FNIP2: variants seen among roughly 807,000 people sequenced by gnomAD.
FNIP2 encodes the protein folliculin interacting protein 2, also known as folliculin-interacting protein 2.
A neutral mutation model predicts 108.7 loss-of-function variants in FNIP2; 32 were observed. The observed-to-expected ratio is 0.29, with a 90% confidence interval of 0.22 to 0.40. The LOEUF is 0.40. Among genes scored for constraint, FNIP2 ranks in the 10% least tolerant of loss-of-function variants. The pLI is 1.00. For synonymous variants in FNIP2, 480 were observed against 496.7 expected (o/e 0.97, Z 0.45); for missense variants, 1,202 against 1,381.6 (o/e 0.87, Z 2.06).
rs1007340095 is a variant in FNIP2 at position 158,829,475 on chromosome 4, A to G, written c.381+250A>G. On this transcript the variant is annotated intron_variant, in intron 3 of 16. Transcript: ENST00000264433. The stretch of plus-strand genomic sequence containing the variant: ...GGATGAGGAAGAAATATTGCCAGTC[A>G]GGTAAATTACCTTGCTTTGTTTCCT... Among the ~76,000 whole-genome samples, 3 of 152,222 alleles carry G rather than the reference A, an allele frequency of 2.0e-5. 1 individual carries two copies. In the South Asian group the frequency reaches 6.2e-4, roughly 31 times the overall value.
intron 1 of FNIP2, among the ~76,000 whole-genome samples, chr4:158,804,831 GTTC>G (rs1375415552): frequency 6.6e-6 from 1 of 152,132 alleles, no homozygotes; most frequent in African/African-American, 2.4e-5. Flanking sequence ...CTCAAAATGT[GTTC>G]TTCTTGGAGA....
chr4:158,793,712 G>T (rs1167943722), intron 1 of FNIP2, among the ~76,000 whole-genome samples: 1 of 152,088 alleles, frequency 6.6e-6, no homozygotes, highest in East Asian at 1.9e-4. Flanking sequence ...TTTGCATGGG[G>T]GTTGTGGAGC....
intron 14 of FNIP2, among the ~76,000 whole-genome samples, chr4:158,882,915 A>G (rs1394495369): frequency 1.3e-5 from 2 of 152,150 alleles, no homozygotes; most frequent in African/African-American, 2.4e-5. Context: ...TCACTTGTTT[A>G]TCTGCTGACC....
At chr4:158,851,557 CT>C in intron 8 of FNIP2, 107 bp downstream of exon 8, 2 of 1,367,716 alleles carry the variant, frequency 1.5e-6, no homozygotes, top group Non-Finnish European at 2.0e-6. Context: ...AAAACCAAAA[CT>C]TTTTTATTAG....
intron 16 of FNIP2, among the ~76,000 whole-genome samples, chr4:158,902,289 T>C (rs905619064): frequency 7.2e-5 from 11 of 152,200 alleles, no homozygotes; most frequent in African/African-American, 2.2e-4. Context: ...CTACAGACCC[T>C]GTTTGCCTGG....
In FNIP2 at chr4:158,905,364, G is replaced by A. The variant is rs1729738122; in HGVS notation, c.*820G>A. ...AGCTTTCAGCAGCCTTTTTAAGAGAGGCCACTTACCAAAGTTATTTCTATA... is the reference window on the plus strand; with the variant it reads ...AGCTTTCAGCAGCCTTTTTAAGAGAAGCCACTTACCAAAGTTATTTCTATA... On this transcript the variant is annotated 3_prime_UTR_variant, in exon 17 of 17. Coordinates refer to ENST00000264433, the MANE Select transcript of FNIP2 (RefSeq NM_020840.3). 2 of 152,140 alleles carry A rather than the reference G, an allele frequency of 1.3e-5. No homozygotes were observed. The highest frequency in any genetic ancestry group is 1.3e-4 in the Admixed American group (2 of 15,272). 9.4% of individuals were successfully genotyped at this position (152,140 alleles called of 1,614,324 possible). A position where few individuals can be genotyped will look rare whatever the true frequency, so the allele number is the denominator to read the frequency against.
At chr4:158,867,919 A>G (rs562727587) in intron 12 of FNIP2, among the ~76,000 whole-genome samples, 183 bp from the exon 13 acceptor site, 1 of 152,358 alleles carries the variant, frequency 6.6e-6, no homozygotes, top group South Asian at 2.1e-4. Context: ...CTGTGTCCAG[A>G]CTGACTCACT....
At chr4:158,816,924 AAAT>A (rs1398187627) in intron 1 of FNIP2, among the ~76,000 whole-genome samples, 1 of 152,092 alleles carries the variant, frequency 6.6e-6, no homozygotes, top group Admixed American at 6.5e-5. Context: ...AGAAAAGAAT[AAAT>A]AATGTGCATT....
chr4:158,781,029 CT>C (rs1316416854), intron 1 of FNIP2, among the ~76,000 whole-genome samples: 5 of 96,536 alleles, frequency 5.2e-5, no homozygotes, highest in Non-Finnish European at 8.9e-5. Flanking sequence ...AGGGAGAGTC[CT>C]TCTCAAAAAA....
chr4:158,835,557 G>T (rs1778752364), intron 7 of FNIP2, 81 bp downstream of exon 7: 8 of 1,255,104 alleles, frequency 6.4e-6, no homozygotes, highest in Non-Finnish European at 7.0e-6. Context: ...TAGAAGACAG[G>T]TAGATAACCC....
At chr4:158,779,738 T>G (rs1346554841) in intron 1 of FNIP2, among the ~76,000 whole-genome samples, 1 of 57,994 alleles carries the variant, frequency 1.7e-5, no homozygotes, top group Non-Finnish European at 4.1e-5. Context: ...CATACCCACC[T>G]TTTTTTTTTT....
Position 158,856,729 on chromosome 4 carries a change from C to G in FNIP2, c.858-2328C>G, listed in dbSNP as rs950431269. 3.3e-5 allele frequency among the ~76,000 whole-genome samples: 5 copies of G among 152,268 alleles called. 1 individual carries two copies. Among genetic ancestry groups the G allele is most frequent in the Admixed American group, 3.3e-4 (5 of 15,288 alleles). On this transcript the variant is annotated intron_variant, in intron 8 of 16. Coordinates refer to ENST00000264433, the MANE Select transcript of FNIP2 (RefSeq NM_020840.3). ...CATTGTTACTAAGAACCTTTCTGTT[C>G]CTGAGGAAAGTTGAGGTAGAACTCT... is the stretch of plus-strand genomic sequence containing the variant.
chr4:158,772,859 A>G (rs984830161), intron 1 of FNIP2, among the ~76,000 whole-genome samples: 1 of 152,336 alleles, frequency 6.6e-6, no homozygotes, highest in East Asian at 1.9e-4. Context: ...TAAAGAGCAG[A>G]CAACACATTG....
At chr4:158,799,725 T>C (rs944163674) in intron 1 of FNIP2, among the ~76,000 whole-genome samples, 1 of 152,152 alleles carries the variant, frequency 6.6e-6, no homozygotes, top group Non-Finnish European at 1.5e-5. Context: ...GTTGCTGATG[T>C]GTTTCTAACT....
intron 1 of FNIP2, among the ~76,000 whole-genome samples, chr4:158,800,574 AAT>A (rs746903519): frequency 6.6e-6 from 1 of 152,214 alleles, no homozygotes; most frequent in Non-Finnish European, 1.5e-5. Context: ...TTTTTTTAAA[AAT>A]AGTTTTTCCC....
intron 12 of FNIP2, among the ~76,000 whole-genome samples, chr4:158,866,424 G>A (rs1383892908): frequency 6.6e-6 from 1 of 150,792 alleles, no homozygotes; most frequent in Non-Finnish European, 1.5e-5. Flanking sequence ...CACCCTGTTG[G>A]CCAGGCTGGT....
intron 14 of FNIP2, among the ~76,000 whole-genome samples, chr4:158,877,800 G>A (rs1039437150): frequency 7.9e-5 from 12 of 152,170 alleles, no homozygotes; most frequent in African/African-American, 2.2e-4. Context: ...TAGCAGGGGC[G>A]TGATGGCTGT....
intron 12 of FNIP2, 120 bp from the exon 13 acceptor site, chr4:158,867,982 C>G (rs1215773181): frequency 7.3e-7 from 1 of 1,373,484 alleles, no homozygotes; most frequent in East Asian, 2.3e-5. Flanking sequence ...AATCATGAGT[C>G]TGAAGCAGGG....
intron 1 of FNIP2, among the ~76,000 whole-genome samples, chr4:158,808,323 C>A (rs1777083929): frequency 6.6e-6 from 1 of 152,200 alleles, no homozygotes; most frequent in African/African-American, 2.4e-5. Flanking sequence ...ATATGAGCTG[C>A]TGCTTCTCAC....
Sources: gnomAD v4.1 joint callset for allele counts (sites outside exome capture counted in the v4.1 genomes callset) on GRCh38, gnomAD v4.1.1 for gene constraint, MANE v1.5 for transcripts, NCBI Gene and HGNC (gene_info 2026-07-23, HGNC 2026-07-21) for gene names.